Variants in NAA60 observed in about 807,000 individuals in gnomAD.
The protein encoded by NAA60 is N-alpha-acetyltransferase 60.
Under a neutral mutation model 26.1 loss-of-function variants are expected in NAA60, and 8 were observed. The ratio of observed to expected loss-of-function variants is 0.31; its 90% CI spans 0.18 to 0.55. The LOEUF (loss-of-function observed/expected upper bound fraction) is 0.55. Among genes scored for constraint, NAA60 ranks in the 20% least tolerant of loss-of-function variants. The probability of loss-of-function intolerance (pLI) is 0.93; values close to 1 mark genes in which losing one functional copy is unlikely to be tolerated. For synonymous variants in NAA60, 131 were observed against 122.5 expected (o/e 1.07, Z -0.46); for missense variants, 290 against 311.3 (o/e 0.93, Z 0.51).
chr16:3,478,658 G>C (rs755491019), intron 3 of NAA60, among the ~76,000 whole-genome samples: 4 of 152,100 alleles, frequency 2.6e-5, no homozygotes, highest in Non-Finnish European at 4.4e-5. Context: ...ATGAGCAGCC[G>C]TTAGCAGCCT....
chr16:3,454,597 A>G (rs2034903144), intron 2 of NAA60, among the ~76,000 whole-genome samples: 1 of 152,244 alleles, frequency 6.6e-6, no homozygotes, highest in Non-Finnish European at 1.5e-5. Context: ...GTAGCCTGTT[A>G]GATCAAGTGG....
chr16:3,458,270 G>C (rs1346997453), intron 2 of NAA60: 16 of 853,554 alleles, frequency 1.9e-5, no homozygotes, highest in Non-Finnish European at 2.3e-5. Context: ...GCCGGGGTCA[G>C]GGGGGCCAGC....
chr16:3,478,962 G>A (rs549667919), intron 3 of NAA60, among the ~76,000 whole-genome samples: 17 of 152,154 alleles, frequency 1.1e-4, no homozygotes, highest in East Asian at 3.9e-4. Context: ...CGGGCCAGGC[G>A]CGGTGGCTCA....
chr16:3,457,818 G>A (rs2035074753), intron 2 of NAA60, among the ~76,000 whole-genome samples: 1 of 152,192 alleles, frequency 6.6e-6, no homozygotes, highest in Non-Finnish European at 1.5e-5. Context: ...CCATGTCTCG[G>A]CGACCTCCCG....
intron 2 of NAA60, chr16:3,467,977 G>C (rs554920895): frequency 6.6e-6 from 1 of 152,354 alleles, no homozygotes; most frequent in East Asian, 1.9e-4. Flanking sequence ...ATTTTCTGGG[G>C]TTTAAATACC....
rs2036058016 is a variant in NAA60, at chr16:3,470,461, T to A, written c.-6-5761T>A. On this transcript the variant is annotated intron_variant, in intron 2 of 7. Transcript: ENST00000407558. Reference sequence around the variant, plus strand: ...CCCAGAAGTGAAATGACCCAGGGCGTCAGCAGGAAAGGAGGCCCCACTTTT... The same window carrying A: ...CCCAGAAGTGAAATGACCCAGGGCGACAGCAGGAAAGGAGGCCCCACTTTT... Among the ~76,000 whole-genome samples, 2 of 152,174 alleles carry A rather than the reference T, an allele frequency of 1.3e-5. 1 individual carries two copies. Among genetic ancestry groups the A allele is most frequent in the South Asian group, 4.1e-4 (2 of 4,828 alleles).
chr16:3,485,505 C>T lies in NAA60; in HGVS notation c.*245C>T, dbSNP rs73489662. 2.2e-6 allele frequency: 1 copy of T among 456,392 alleles called. No individual in the cohort carries two copies. The highest frequency in any genetic ancestry group is 1.6e-5 in the South Asian group (1 of 64,462). 28.3% of individuals were successfully genotyped at this position (456,392 alleles called of 1,614,324 possible). A position where few individuals can be genotyped will look rare whatever the true frequency, so the allele number is the denominator to read the frequency against. On this transcript the variant is annotated 3_prime_UTR_variant, in exon 8 of 8. Coordinates refer to ENST00000407558, the MANE Select transcript of NAA60 (RefSeq NM_001083601.3). ...CCTCCCTGCTTCTGGAAACCTCTGC[C>T]TGCTGCCCTGGCCCTGCCCCCCTGC...
chr16:3,460,872 G>T (rs994965263), intron 2 of NAA60, among the ~76,000 whole-genome samples: 1 of 152,220 alleles, frequency 6.6e-6, no homozygotes, highest in Admixed American at 6.5e-5. Flanking sequence ...TGAGTGCCTT[G>T]AAGTGCAAAG....
At chr16:3,457,538 C>G (rs888011892) in intron 2 of NAA60, among the ~76,000 whole-genome samples, 1 of 152,272 alleles carries the variant, frequency 6.6e-6, no homozygotes, top group Non-Finnish European at 1.5e-5. Context: ...CAGCCCTAAA[C>G]TGCCTTTCGC....
intron 1 of NAA60, among the ~76,000 whole-genome samples, chr16:3,446,299 A>T (rs558327520): frequency 3.3e-4 from 50 of 152,276 alleles, no homozygotes; most frequent in African/African-American, 1.2e-3. Context: ...TGTGAGGCTG[A>T]GGTGGGCAGA....
chr16:3,485,430 G>A (rs755414332), intron 7 of NAA60, 37 bp from the exon 8 acceptor site: 47 of 459,650 alleles, frequency 1.0e-4, no homozygotes, highest in Middle Eastern at 3.2e-4. Flanking sequence ...TGTCTCCGCC[G>A]GGCCTTCACC....
chr16:3,451,033 C>T (rs1354590276), intron 2 of NAA60, among the ~76,000 whole-genome samples: 1 of 152,188 alleles, frequency 6.6e-6, no homozygotes, highest in Non-Finnish European at 1.5e-5. Flanking sequence ...GTAAATAATG[C>T]ATTTACTCTG....
rs561224588 is a variant in NAA60 at position 3,479,666 on chromosome 16, A to T, written c.240+66A>T. On this transcript the variant is annotated intron_variant, in intron 4 of 7. Coordinates refer to ENST00000407558, the MANE Select transcript of NAA60 (RefSeq NM_001083601.3). The stretch of plus-strand genomic sequence containing the variant: ...ATTGGACGGGCCAAGGGGGCTTGCG[A>T]TGGAATCATGCTGCCTGCTCCACAG... The T allele has an allele frequency of 1.9e-4, 301 of 1,570,344 alleles. 7 individuals are homozygous for T. In the South Asian group the frequency reaches 2.7e-3, roughly 14 times the overall value.
At chr16:3,459,408 A>G (rs2035226989) in intron 2 of NAA60, among the ~76,000 whole-genome samples, 1 of 152,212 alleles carries the variant, frequency 6.6e-6, no homozygotes. Flanking sequence ...ACAAATAAAT[A>G]CACACATATC....
rs1475442493 is a variant in NAA60, at chr16:3,485,785, G to C, written c.*525G>C. 1 of 414,890 alleles carries C rather than the reference G, an allele frequency of 2.4e-6. No individual in the cohort carries two copies. The highest frequency in any genetic ancestry group is 4.9e-6 in the Non-Finnish European group (1 of 204,082). 25.7% of individuals were successfully genotyped at this position (414,890 alleles called of 1,614,324 possible). ...CAGAACCAGCCCAAAGAAGCCTGGG[G>C]GGTGAGGAGTGGCCCCCACTCCTCC... is the stretch of plus-strand genomic sequence containing the variant. On this transcript the variant is annotated 3_prime_UTR_variant, in exon 8 of 8. Transcript: ENST00000407558.
intron 2 of NAA60, among the ~76,000 whole-genome samples, chr16:3,465,215 C>T (rs189150315): frequency 2.0e-5 from 3 of 149,014 alleles, no homozygotes; most frequent in African/African-American, 5.0e-5. Flanking sequence ...TGCAGTGAGC[C>T]GAAATTTTGC....
Position 3,479,513 on chromosome 16 carries a change from G to T in NAA60, c.153G>T (p.Lys51Asn), listed in dbSNP as rs760689287. Residue 51 changes from lysine (K) to asparagine (N), a missense_variant, in exon 4 of 8, where the codon AAG (lysine) becomes AAT (asparagine). By Grantham distance (94) the Lys-to-Asn change is moderately conservative. Transcript: ENST00000407558. ...ATCGTGATATCACATCCAACAAGAA[G>T]TTCTTTTCCCTTGCTGCAACCTACA... ...SWYRDITSNK[K>N]FFSLAATYRG... 6.2e-7 allele frequency: 1 copy of T among 1,614,062 alleles called. No homozygotes were observed. Among genetic ancestry groups the T allele is most frequent in the Non-Finnish European group, 8.5e-7 (1 of 1,179,894 alleles).
Position 3,447,718 on chromosome 16 carries a change from C to G in NAA60, c.-76-753C>G, listed in dbSNP as rs978471550. On this transcript the variant is annotated intron_variant, in intron 1 of 7. Transcript: ENST00000407558. ...AGTTAGAAAACTGTTGCTACCTAGT[C>G]TCCAGTCTTATAAGGGGACAATGGC... The G allele has an allele frequency of 7.6e-6, 6 of 790,386 alleles. No homozygotes were observed. In the African/African-American group the frequency reaches 9.4e-5, roughly 12 times the overall value. The allele number at this position is 790,386 out of a possible 1,614,324, so 49.0% of individuals were successfully genotyped here. A position where few individuals can be genotyped will look rare whatever the true frequency, so the allele number is the denominator to read the frequency against.
At chr16:3,455,389 T>C (rs1384978814) in intron 2 of NAA60, among the ~76,000 whole-genome samples, 1 of 121,956 alleles carries the variant, frequency 8.2e-6, no homozygotes, top group South Asian at 2.6e-4. Context: ...GTTTTTAGTT[T>C]TTTTTTTTTT....
Sources: allele counts gnomAD v4.1 joint callset (sites outside exome capture counted in the v4.1 genomes callset), GRCh38; gene constraint gnomAD v4.1.1; transcripts MANE v1.5; gene names NCBI Gene and HGNC (gene_info 2026-07-23, HGNC 2026-07-21).